Variants in PRKG2 observed in about 807,000 individuals in gnomAD.
PRKG2 encodes protein kinase cGMP-dependent 2.
In PRKG2, 33 loss-of-function variants were observed where a neutral mutation model predicts 97.2. The observed-to-expected ratio is 0.34, with a 90% CI of 0.26 to 0.45. The LOEUF (loss-of-function observed/expected upper bound fraction) is 0.45, where lower values mean the gene tolerates loss of function less well. Ranked by LOEUF, PRKG2 falls within the 20% of genes least tolerant of loss-of-function variation. The probability of loss-of-function intolerance (pLI) is 1.00; values close to 1 mark genes in which losing one functional copy is unlikely to be tolerated. For missense variants in PRKG2, 638 were observed against 900.0 expected (o/e 0.71, Z 3.73); for synonymous variants, 330 against 321.8 (o/e 1.03, Z -0.27).
chr4:81,110,449 T>C lies in PRKG2; in HGVS notation c.1939A>G (p.Asn647Asp). The C allele has an allele frequency of 6.2e-7, 1 of 1,611,390 alleles. No individual in the cohort carries two copies. ...GILVYELLTG[N>D]PPFSGVDQMM... ...TGCATAAAACTTGAAGGTACATACT[T>C]GCCCGTTAGGAGCTCATACACTAGA... Residue 647 changes from asparagine (N) to aspartate (D), a missense_variant and splice_region_variant, in exon 15 of 19, where the codon AAC (asparagine) becomes GAC (aspartate). By Grantham distance (23) the Asn-to-Asp change is conservative. This residue lies in a region of PRKG2 where 304 missense variants were observed against 460.5 expected (regional missense o/e 0.66). Transcript: ENST00000264399.
chr4:81,157,377 C>A (rs900022067), intron 6 of PRKG2, among the ~76,000 whole-genome samples: 3 of 152,056 alleles, frequency 2.0e-5, no homozygotes, highest in Non-Finnish European at 4.4e-5. Context: ...AAGACTAAAC[C>A]AGGAAGAAGT....
intron 1 of PRKG2, 108 bp downstream of exon 1, chr4:81,214,828 C>G (rs1185174272): frequency 1.3e-5 from 2 of 152,372 alleles, no homozygotes; most frequent in African/African-American, 4.8e-5. Context: ...AATAGAGGCG[C>G]ACATCGCGCA....
At position 81,159,124 on chromosome 4, in the gene PRKG2, C is replaced by A. The variant is rs867830768; in HGVS notation, c.913-5403G>T. Among the ~76,000 whole-genome samples the A allele has an allele frequency of 9.9e-5, 15 of 152,260 alleles. No homozygotes were observed. In the South Asian group the frequency reaches 1.2e-3, roughly 13 times the overall value. On this transcript the variant is annotated intron_variant, in intron 6 of 18. Transcript: ENST00000264399. ...AATTGACAAATGGGATCTAATTCAA[C>A]TAAAGAGCTTCTGCATAGCAAAAGA... is the stretch of plus-strand genomic sequence containing the variant.
intron 2 of PRKG2, chr4:81,175,644 T>G (rs1750858953): frequency 6.6e-6 from 1 of 152,166 alleles, no homozygotes; most frequent in South Asian, 2.1e-4. Context: ...TTTGACTAGG[T>G]TTTACTCTAG....
At chr4:81,171,834 C>T (rs765706806) in intron 3 of PRKG2, 30 bp from the exon 4 acceptor site, 3 of 1,467,362 alleles carry the variant, frequency 2.0e-6, no homozygotes, top group South Asian at 1.2e-5. Flanking sequence ...AAAACACACA[C>T]ACAAATAATC....
intron 6 of PRKG2, 136 bp from the exon 7 acceptor site, chr4:81,153,857 G>A (rs1341500953): frequency 1.6e-5 from 10 of 627,108 alleles, no homozygotes; most frequent in African/African-American, 7.4e-5. Flanking sequence ...CTGAGGTACC[G>A]GGTTCATCTC....
At chr4:81,111,432 AT>A (rs1358893260) in intron 14 of PRKG2, among the ~76,000 whole-genome samples, 4 of 115,542 alleles carry the variant, frequency 3.5e-5, no homozygotes, top group Non-Finnish European at 6.2e-5. Context: ...GATTAATATT[AT>A]ATCATGTTAT....
At chr4:81,210,439 C>T (rs993580871) in intron 1 of PRKG2, among the ~76,000 whole-genome samples, 2 of 152,006 alleles carry the variant, frequency 1.3e-5, no homozygotes, top group Non-Finnish European at 2.9e-5. Flanking sequence ...GATAAATAAG[C>T]ATATAAAAAG....
intron 2 of PRKG2, among the ~76,000 whole-genome samples, chr4:81,189,069 A>AATT (rs1329465657): frequency 3.5e-5 from 3 of 86,536 alleles, no homozygotes; most frequent in African/African-American, 2.6e-4. Context: ...AAAATAATAA[A>AATT]AAAAAAAAAA....
At chr4:81,205,673 AAG>A (rs1044044283) in intron 1 of PRKG2, among the ~76,000 whole-genome samples, 3 of 152,192 alleles carry the variant, frequency 2.0e-5, no homozygotes, top group African/African-American at 7.2e-5. Context: ...CACCAACAAG[AAG>A]AGTTTTAAAA....
At chr4:81,136,247 T>G (rs1746688689) in intron 13 of PRKG2, among the ~76,000 whole-genome samples, 1 of 152,200 alleles carries the variant, frequency 6.6e-6, no homozygotes, top group South Asian at 2.1e-4. Flanking sequence ...TGTTCTTTCC[T>G]TGCCTAAGTC....
intron 14 of PRKG2, among the ~76,000 whole-genome samples, chr4:81,115,799 T>C (rs941648761): frequency 6.6e-6 from 1 of 152,206 alleles, no homozygotes; most frequent in Admixed American, 6.5e-5. Flanking sequence ...TAAAAAGCCA[T>C]ATTACCTATT....
In PRKG2 at chr4:81,205,529, T is replaced by G. The variant is rs192231606; in HGVS notation, c.-13-469A>C. Among the ~76,000 whole-genome samples the G allele has an allele frequency of 1.2e-4, 19 of 152,290 alleles. 1 individual carries two copies. The East Asian group carries it at 3.7e-3, about 29-fold the overall frequency. The stretch of plus-strand genomic sequence containing the variant: ...AGAAACCTTCCCCAGATTTAGAAAA[T>G]TACACATCTGCATTTCTCAGAAGAC... On this transcript the variant is annotated intron_variant, in intron 1 of 18. Transcript: ENST00000264399.
At chr4:81,118,263 A>C (rs1274267520) in intron 14 of PRKG2, among the ~76,000 whole-genome samples, 3 of 152,188 alleles carry the variant, frequency 2.0e-5, no homozygotes, top group Non-Finnish European at 4.4e-5. Flanking sequence ...GGCTGCTTCC[A>C]AGTTTTGGCA....
At chr4:81,092,512 G>A in intron 17 of PRKG2, 60 bp from the exon 18 acceptor site, 4 of 1,023,844 alleles carry the variant, frequency 3.9e-6, no homozygotes, top group Non-Finnish European at 3.0e-6. Flanking sequence ...AAGGAAGGAA[G>A]GGAGAAAGAA....
At chr4:81,137,578 TG>T in intron 12 of PRKG2, 96 bp from the exon 13 acceptor site, 1 of 930,062 alleles carries the variant, frequency 1.1e-6, no homozygotes, top group Non-Finnish European at 1.7e-6. Context: ...TTAGGAACAA[TG>T]ATACTCATCT....
rs374461392 is a variant in PRKG2, at chr4:81,174,845, C to A, written c.576G>T (p.Gly192=). 6.2e-7 allele frequency: 1 copy of A among 1,613,208 alleles called. No individual in the cohort carries two copies. Among genetic ancestry groups the A allele is most frequent in the Non-Finnish European group, 8.5e-7 (1 of 1,179,534 alleles). Residue 192 remains glycine (G), a synonymous_variant, in exon 3 of 19, where the codon GGG becomes GGT. Transcript: ENST00000264399. ...ECMYGRNYQQ[G]SYIIKQGEPG... is the part of the protein sequence containing the mutation. ...GTTCTCCTTGCTTAATAATGTAACT[C>A]CCTTGCTGATAGTTTCTCCCATACA...
In PRKG2 at chr4:81,156,309, G is replaced by C. The variant is rs141981914; in HGVS notation, c.913-2588C>G. On this transcript the variant is annotated intron_variant, in intron 6 of 18. Transcript: ENST00000264399. The stretch of plus-strand genomic sequence containing the variant: ...TCTCTGATAAAACAGACTTTAAACC[G>C]ACAAAGATCAAAAGAGACAAAGAAG... Among the ~76,000 whole-genome samples the C allele has an allele frequency of 2.0e-5, 3 of 151,932 alleles. No homozygotes were observed. In the South Asian group the frequency reaches 6.2e-4, roughly 32 times the overall value.
At chr4:81,145,571 C>T (rs1264696936) in intron 9 of PRKG2, among the ~76,000 whole-genome samples, 1 of 152,104 alleles carries the variant, frequency 6.6e-6, no homozygotes, top group East Asian at 1.9e-4. Context: ...ATCACTCTGT[C>T]TCCTGTCCAT....
Sources: allele counts gnomAD v4.1 joint callset (sites outside exome capture counted in the v4.1 genomes callset), GRCh38; gene constraint gnomAD v4.1.1; regional missense constraint gnomAD v4.1.1; transcripts MANE v1.5; gene names NCBI Gene and HGNC (gene_info 2026-07-23, HGNC 2026-07-21).